SHOC1: variants seen among roughly 807,000 people sequenced by gnomAD.
SHOC1 encodes the protein shortage in chiasmata 1, also known as protein shortage in chiasmata 1 ortholog.
In SHOC1, 136 loss-of-function variants were observed where a neutral mutation model predicts 179.2. The ratio of observed to expected loss-of-function variants is 0.76; its 90% CI spans 0.66 to 0.87. The LOEUF is 0.87. Among genes scored for constraint, SHOC1 ranks in the 40% least tolerant of loss-of-function variants. The pLI is 0.00. For synonymous variants in SHOC1, 489 were observed against 586.6 expected (o/e 0.83, Z 2.41); for missense variants, 1,538 against 1,700.8 (o/e 0.90, Z 1.68).
chr9:111,707,448 C>A (rs1423372332), intron 19 of SHOC1, among the ~76,000 whole-genome samples: 1 of 151,818 alleles, frequency 6.6e-6, no homozygotes, highest in East Asian at 1.9e-4. Context: ...TTACACAATT[C>A]AACACTTGAT....
chr9:111,706,530 T>C, intron 20 of SHOC1, 38 bp downstream of exon 20: 1 of 1,421,460 alleles, frequency 7.0e-7, no homozygotes, highest in Non-Finnish European at 9.3e-7. Flanking sequence ...ATTTTCATTC[T>C]AATAAAGCAA....
chr9:111,778,523 T>C (rs1835910720), intron 4 of SHOC1, among the ~76,000 whole-genome samples: 1 of 152,038 alleles, frequency 6.6e-6, no homozygotes, highest in South Asian at 2.1e-4. Context: ...ATCCCAGCAG[T>C]TTTGAGAGGC....
intron 24 of SHOC1, among the ~76,000 whole-genome samples, chr9:111,696,419 T>C (rs535131146): frequency 8.9e-4 from 135 of 152,252 alleles, no homozygotes; most frequent in Non-Finnish European, 1.6e-3. Context: ...AATACAACAA[T>C]GTCATCAAGT....
At chr9:111,729,334 T>C (rs887748328) in intron 12 of SHOC1, among the ~76,000 whole-genome samples, 1 of 152,040 alleles carries the variant, frequency 6.6e-6, no homozygotes, top group Non-Finnish European at 1.5e-5. Context: ...TCTTGAACTC[T>C]TGGGCTCAAG....
At chr9:111,769,977 T>G (rs1047396597) in intron 5 of SHOC1, among the ~76,000 whole-genome samples, 1 of 37,982 alleles carries the variant, frequency 2.6e-5, no homozygotes, top group Non-Finnish European at 5.8e-5. Flanking sequence ...TATCTTCTGT[T>G]TTTTTTTTGT....
At chr9:111,705,432 T>C in intron 20 of SHOC1, 68 bp from the exon 21 acceptor site, 1 of 698,150 alleles carries the variant, frequency 1.4e-6, no homozygotes, top group Non-Finnish European at 2.2e-6. Context: ...TCTTTTTTTT[T>C]TTACTAAACA....
intron 6 of SHOC1, 71 bp from the exon 7 acceptor site, chr9:111,758,266 C>T: frequency 1.3e-6 from 1 of 777,486 alleles, no homozygotes; most frequent in Non-Finnish European, 2.0e-6. Context: ...AACCAAAACA[C>T]ATAATCATTA....
At chr9:111,763,331 T>G (rs912935878) in intron 5 of SHOC1, among the ~76,000 whole-genome samples, 26 of 152,052 alleles carry the variant, frequency 1.7e-4, no homozygotes, top group Non-Finnish European at 7.4e-5. Flanking sequence ...GGATACACCA[T>G]GTATCCAGCC....
At chr9:111,759,035 A>G in intron 5 of SHOC1, 187 bp from the exon 6 acceptor site, 1 of 1,118,898 alleles carries the variant, frequency 8.9e-7, no homozygotes, top group Non-Finnish European at 1.3e-6. Context: ...AGGCAAAAGT[A>G]CAATAAATTT....
intron 4 of SHOC1, among the ~76,000 whole-genome samples, chr9:111,778,819 T>TGG (rs1432504789): frequency 7.7e-6 from 1 of 130,492 alleles, no homozygotes; most frequent in East Asian, 2.3e-4. Context: ...AAAGTACTGG[T>TGG]GGGGAATGGT....
chr9:111,793,125 GC>G (rs1353136201), intron 1 of SHOC1, among the ~76,000 whole-genome samples: 2 of 152,020 alleles, frequency 1.3e-5, no homozygotes, highest in South Asian at 2.1e-4. Flanking sequence ...CTTGTGATCC[GC>G]CCGTCTCGGT....
In SHOC1 at chr9:111,775,946, ATCTG is replaced by A; in HGVS notation, c.283_286del (p.Gln95LeufsTer20). The A allele has an allele frequency of 6.2e-7, 1 of 1,613,292 alleles. No individual in the cohort carries two copies. Among genetic ancestry groups the A allele is most frequent in the Non-Finnish European group, 8.5e-7 (1 of 1,179,696 alleles). On this transcript the variant is annotated frameshift_variant, in exon 5 of 28. Coordinates refer to ENST00000682961, the MANE Select transcript of SHOC1 (RefSeq NM_001378211.1). LOFTEE classifies it high-confidence loss of function. The stretch of plus-strand genomic sequence containing the variant: ...AACAACTTCCTCAAATTCACAATTA[ATCTG>A]GGTCACCATTCTTGTAATTGTTTTT...
intron 11 of SHOC1, among the ~76,000 whole-genome samples, chr9:111,740,424 T>A (rs1160541995): frequency 6.6e-6 from 1 of 152,208 alleles, no homozygotes; most frequent in Non-Finnish European, 1.5e-5. Context: ...AAAAATTTTT[T>A]AAAACAATAC....
intron 23 of SHOC1, among the ~76,000 whole-genome samples, chr9:111,700,355 A>G (rs1405462001): frequency 6.7e-6 from 1 of 148,884 alleles, no homozygotes; most frequent in East Asian, 1.9e-4. Context: ...ATCCTAGCCA[A>G]CTAGAATACT....
intron 16 of SHOC1, among the ~76,000 whole-genome samples, chr9:111,715,032 C>T (rs1334784708): frequency 1.3e-5 from 2 of 152,154 alleles, no homozygotes; most frequent in East Asian, 1.9e-4. Context: ...ATGTATATCA[C>T]TTAGCCTATA....
At chr9:111,771,543 G>GT (rs940334554) in intron 5 of SHOC1, among the ~76,000 whole-genome samples, 1 of 151,752 alleles carries the variant, frequency 6.6e-6, no homozygotes, top group Admixed American at 6.6e-5. Flanking sequence ...TGTTAATGTT[G>GT]TTTTTTTTCC....
At chr9:111,770,935 C>T (rs1094736) in intron 5 of SHOC1, among the ~76,000 whole-genome samples, 11,546 of 152,102 alleles carry the variant, frequency 0.076, 630 homozygotes, top group South Asian at 0.21. Context: ...TTGAAGGCAG[C>T]ATATAGTTTG....
intron 26 of SHOC1, 50 bp downstream of exon 26, chr9:111,693,749 A>C (rs1831556707): frequency 8.1e-7 from 1 of 1,229,728 alleles, no homozygotes. Flanking sequence ...TAGATACTCA[A>C]ATCGAAAGGA....
chr9:111,698,445 A>G (rs1191447417), intron 24 of SHOC1, among the ~76,000 whole-genome samples: 1 of 152,224 alleles, frequency 6.6e-6, no homozygotes, highest in African/African-American at 2.4e-5. Context: ...TTTATTAAAT[A>G]AGGAATCCTT....
Sources: gnomAD v4.1 joint callset for allele counts (sites outside exome capture counted in the v4.1 genomes callset) on GRCh38, gnomAD v4.1.1 for gene constraint, MANE v1.5 for transcripts, NCBI Gene and HGNC (gene_info 2026-07-23, HGNC 2026-07-21) for gene names.